Variants in PIGN observed in about 807,000 individuals in gnomAD.
The protein encoded by PIGN is GPI ethanolamine phosphate transferase 1.
A neutral mutation model predicts 125.4 loss-of-function variants in PIGN; 117 were observed. The observed-to-expected ratio is 0.93, with a 90% CI of 0.80 to 1.09. The LOEUF (loss-of-function observed/expected upper bound fraction) is 1.09. PIGN is among the 50% of genes least tolerant of loss of function. PIGN has a pLI of 0.00. For synonymous variants in PIGN, 392 were observed against 377.8 expected (o/e 1.04, Z -0.44); for missense variants, 1,075 against 1,094.9 (o/e 0.98, Z 0.26).
Position 62,045,797 on chromosome 18 carries a change from T to C in PIGN, c.*59A>G. On this transcript the variant is annotated 3_prime_UTR_variant, in exon 31 of 31. Coordinates refer to ENST00000640252, the MANE Select transcript of PIGN (RefSeq NM_176787.5). ...ATCCATCTTCTTATTGAAGCCTTGA[T>C]GAGATTTTAGCTTAAAAGGAGAATC... The C allele has an allele frequency of 6.5e-7, 1 of 1,550,146 alleles. No individual in the cohort carries two copies. Among genetic ancestry groups the C allele is most frequent in the South Asian group, 1.1e-5 (1 of 88,188 alleles).
intron 25 of PIGN, among the ~76,000 whole-genome samples, chr18:62,086,106 A>G (rs2033685698): frequency 6.6e-6 from 1 of 152,234 alleles, no homozygotes; most frequent in South Asian, 2.1e-4. Context: ...GATAGGCACT[A>G]AGAATATAAA....
intron 11 of PIGN, among the ~76,000 whole-genome samples, chr18:62,142,920 G>A (rs1355908355): frequency 6.6e-6 from 1 of 152,064 alleles, no homozygotes; most frequent in Non-Finnish European, 1.5e-5. Context: ...TAAAATATGT[G>A]TTAACAAAAA....
At chr18:62,122,415 T>A (rs2035343429) in intron 14 of PIGN, among the ~76,000 whole-genome samples, 1 of 152,150 alleles carries the variant, frequency 6.6e-6, no homozygotes, top group Admixed American at 6.5e-5. Context: ...ATATTTTTTT[T>A]ATAATATTCA....
Position 62,175,063 on chromosome 18 carries a change from A to AT in PIGN, c.-235-11408_-235-11407insA, listed in dbSNP as rs1448608615. On this transcript the variant is annotated intron_variant, in intron 1 of 30. Coordinates refer to ENST00000640252, the MANE Select transcript of PIGN (RefSeq NM_176787.5). The stretch of plus-strand genomic sequence containing the variant: ...ATTATAAATATATATTTTTATATAT[A>AT]ATAAATATATATATTTAATATATCT... Among the ~76,000 whole-genome samples the AT allele has an allele frequency of 7.5e-4, 81 of 107,486 alleles. No homozygotes were observed. The East Asian group carries it at 0.023, about 31-fold the overall frequency. The allele number at this position is 107,486 out of a possible 152,430, so 70.5% of individuals were successfully genotyped here.
At chr18:62,051,440 G>T (rs974626461) in intron 30 of PIGN, among the ~76,000 whole-genome samples, 28 of 152,134 alleles carry the variant, frequency 1.8e-4, no homozygotes, top group Non-Finnish European at 3.4e-4. Context: ...GAGGGTGTAT[G>T]TGTCGAGGAA....
Position 62,114,623 on chromosome 18 carries a change from T to C in PIGN, c.1189A>G (p.Lys397Glu). Residue 397 changes from lysine (K) to glutamate (E), a missense_variant, in exon 15 of 31, where the codon AAA becomes GAA. Coordinates refer to ENST00000640252, the MANE Select transcript of PIGN (RefSeq NM_176787.5). ...FTPFKLLSDSKQFNILRKARS... is the reference protein window; with the variant it reads ...FTPFKLLSDSEQFNILRKARS... ...GCTTTTCTTAAAATGTTGAACTGTT[T>C]GGAATCAGAAAGCAGTCTATATATA... 1 of 1,505,898 alleles carries C rather than the reference T, an allele frequency of 6.6e-7. No individual in the cohort carries two copies. The highest frequency in any genetic ancestry group is 9.0e-7 in the Non-Finnish European group (1 of 1,107,072). 93.3% of individuals were successfully genotyped at this position (1,505,898 alleles called of 1,614,324 possible).
At chr18:62,061,494 A>AGAGC (rs1282229477) in intron 30 of PIGN, among the ~76,000 whole-genome samples, 1 of 69,986 alleles carries the variant, frequency 1.4e-5, no homozygotes, top group Non-Finnish European at 3.1e-5. Flanking sequence ...CCTGGGCGAC[A>AGAGC]GAGCGAGACT....
intron 27 of PIGN, among the ~76,000 whole-genome samples, chr18:62,084,325 T>C (rs1302252438): frequency 6.6e-6 from 1 of 152,206 alleles, no homozygotes; most frequent in East Asian, 1.9e-4. Flanking sequence ...GTTGAATCCC[T>C]ACTCTTTTGA....
At chr18:62,034,044 C>T (rs72938032) in intron 23 of PIGN, among the ~76,000 whole-genome samples, 6,164 of 152,218 alleles carry the variant, frequency 0.04, 161 homozygotes, top group Non-Finnish European at 0.063. Flanking sequence ...TAAATTCTGC[C>T]TCCTAAACTG....
At chr18:62,080,844 T>C (rs1051747637) in intron 28 of PIGN, among the ~76,000 whole-genome samples, 2 of 152,274 alleles carry the variant, frequency 1.3e-5, no homozygotes, top group Middle Eastern at 3.4e-3. Context: ...ATTGCTTACA[T>C]CCATAAGCAT....
At chr18:62,161,458 T>C (rs2036950730) in intron 3 of PIGN, 73 bp from the exon 4 acceptor site, 1 of 654,474 alleles carries the variant, frequency 1.5e-6, no homozygotes, top group African/African-American at 1.8e-5. Context: ...ATTTTGATGA[T>C]CACAAGTAGA....
intron 23 of PIGN, among the ~76,000 whole-genome samples, chr18:62,021,155 C>T (rs2030050633): frequency 6.6e-6 from 1 of 152,054 alleles, no homozygotes; most frequent in Non-Finnish European, 1.5e-5. Context: ...TAGGTATTTA[C>T]CCAAGAGAAA....
Position 62,145,893 on chromosome 18 carries a change from A to G in PIGN, c.922+16T>C, listed in dbSNP as rs759674832. 10 of 1,247,984 alleles carry G rather than the reference A, an allele frequency of 8.0e-6. No individual in the cohort carries two copies. In the East Asian group the frequency reaches 1.9e-4, roughly 23 times the overall value. The allele number at this position is 1,247,984 out of a possible 1,614,324, so 77.3% of individuals were successfully genotyped here. A position where few individuals can be genotyped will look rare whatever the true frequency, so the allele number is the denominator to read the frequency against. Reference sequence around the variant, plus strand: ...TAAGAGGTTGTATTTATAAACCAGTAAAGAAATGCTTGTACCTTTCAAAAA... The same window carrying G: ...TAAGAGGTTGTATTTATAAACCAGTGAAGAAATGCTTGTACCTTTCAAAAA... On this transcript the variant is annotated intron_variant, in intron 10 of 30. Transcript: ENST00000640252.
At chr18:62,169,056 T>C (rs886250766) in intron 1 of PIGN, among the ~76,000 whole-genome samples, 1 of 152,112 alleles carries the variant, frequency 6.6e-6, no homozygotes, top group African/African-American at 2.4e-5. Flanking sequence ...GGTTTTGCCA[T>C]GTTGGCCAGG....
chr18:62,056,437 G>A (rs1330774156), intron 30 of PIGN, among the ~76,000 whole-genome samples: 3 of 151,958 alleles, frequency 2.0e-5, no homozygotes, highest in Non-Finnish European at 4.4e-5. Context: ...ATTCTTCTCT[G>A]AGTCAAACCA....
At chr18:62,172,585 G>A (rs1035365003) in intron 1 of PIGN, among the ~76,000 whole-genome samples, 1 of 152,022 alleles carries the variant, frequency 6.6e-6, no homozygotes, top group Non-Finnish European at 1.5e-5. Context: ...ATGTGCATTT[G>A]TAAATGCAAA....
intron 23 of PIGN, among the ~76,000 whole-genome samples, chr18:62,036,113 T>C (rs2030257021): frequency 6.6e-6 from 1 of 152,238 alleles, no homozygotes; most frequent in Non-Finnish European, 1.5e-5. Flanking sequence ...TCAGCTCCAC[T>C]GAGGTTTCCA....
chr18:62,147,044 C>T lies in PIGN; in HGVS notation c.732G>A (p.Met244Ile), dbSNP rs980794050. Reference protein sequence around the residue: ...VDDGVKEIVSMFNHFYGNDGK... With the variant: ...VDDGVKEIVSIFNHFYGNDGK... ...CATCATTTCCATAGAAGTGGTTAAA[C>T]ATAGACACGATTTCTTTAACTCCAT... is the stretch of plus-strand genomic sequence containing the variant. The change falls in exon 9 of 31, where the codon ATG (methionine) becomes ATA (isoleucine). Residue 244 changes from methionine to isoleucine, a missense_variant. This residue lies in a region of PIGN where 915 missense variants were observed against 908.7 expected (regional missense o/e 1.01). Transcript: ENST00000640252. 3 of 1,610,032 alleles carry T rather than the reference C, an allele frequency of 1.9e-6. No homozygotes were observed. The highest frequency in any genetic ancestry group is 1.7e-5 in the Admixed American group (1 of 59,862).
intron 10 of PIGN, among the ~76,000 whole-genome samples, chr18:62,144,500 C>T (rs1423830336): frequency 6.6e-6 from 1 of 152,204 alleles, no homozygotes; most frequent in Non-Finnish European, 1.5e-5. Flanking sequence ...CCACATCAGC[C>T]TTCCAATTCT....
Sources: allele counts gnomAD v4.1 joint callset (sites outside exome capture counted in the v4.1 genomes callset), GRCh38; gene constraint gnomAD v4.1.1; regional missense constraint gnomAD v4.1.1; transcripts MANE v1.5; gene names NCBI Gene and HGNC (gene_info 2026-07-23, HGNC 2026-07-21).